Variants in JMJD1C observed in about 807,000 individuals in gnomAD.
The protein encoded by JMJD1C is jumonji domain containing 1C.
In JMJD1C, 31 loss-of-function variants were observed where a neutral mutation model predicts 245.3. The ratio of observed to expected loss-of-function variants is 0.13; its 90% confidence interval spans 0.09 to 0.17. JMJD1C has a LOEUF of 0.17. Among genes scored for constraint, JMJD1C ranks in the 10% least tolerant of loss-of-function variants. The probability of loss-of-function intolerance (pLI) is 1.00; values close to 1 mark genes in which losing one functional copy is unlikely to be tolerated. For synonymous variants in JMJD1C, 1,057 were observed against 1,017.4 expected, an observed-to-expected ratio of 1.04 and a Z score of -0.74; for missense variants, 2,691 against 3,000.2, an observed-to-expected ratio of 0.90 and a Z score of 2.41.
intron 1 of JMJD1C, among the ~76,000 whole-genome samples, chr10:63,521,067 A>G (rs900190533): frequency 3.5e-4 from 53 of 152,222 alleles, no homozygotes; most frequent in African/African-American, 1.2e-3. Context: ...GGCACTGCCA[A>G]TCCCTACCCT....
upstream of JMJD1C, among the ~76,000 whole-genome samples, chr10:63,468,135 T>G (rs1564954629): frequency 6.6e-6 from 1 of 152,134 alleles, no homozygotes; most frequent in Non-Finnish European, 1.5e-5. Flanking sequence ...ATCAAAATAT[T>G]TCATGTATAG....
intron 1 of JMJD1C, among the ~76,000 whole-genome samples, chr10:63,486,137 TAAAAAAAAAA>T (rs1166721473): frequency 1.8e-4 from 13 of 73,286 alleles, no homozygotes; most frequent in African/African-American, 9.8e-4. Context: ...CAAGCAATTG[TAAAAAAAAAA>T]AAAAAAAAAA....
Position 63,208,187 on chromosome 10 carries a change from C to A in JMJD1C, c.3482G>T (p.Gly1161Val). Residue 1161 changes from glycine (G) to valine (V), a missense_variant, in exon 10 of 26, where the codon GGC (glycine) becomes GTC (valine). By Grantham distance (109) the Gly-to-Val change is moderately radical (BLOSUM62 -3). Coordinates refer to ENST00000399262, the MANE Select transcript of JMJD1C (RefSeq NM_032776.3). The part of the protein sequence containing the change: ...KHQPESEGLV[G>V]KIPEHLPHQI... ...ATGTGGAAGATGTTCTGGTATCTTG[C>A]CTACTAAACCTTCACTTTCTGGTTG... 1.2e-6 allele frequency: 2 copies of A among 1,613,196 alleles called. No homozygotes were observed. The highest frequency in any genetic ancestry group is 3.3e-5 in the Admixed American group (2 of 59,718).
At chr10:63,518,909 C>T (rs1187494788) in intron 1 of JMJD1C, among the ~76,000 whole-genome samples, 2 of 152,198 alleles carry the variant, frequency 1.3e-5, no homozygotes, top group African/African-American at 4.8e-5. Flanking sequence ...TGTAAACAAG[C>T]TTGGGAAGCA....
At chr10:63,503,513 T>G (rs116246949) in intron 1 of JMJD1C, among the ~76,000 whole-genome samples, 9 of 152,126 alleles carry the variant, frequency 5.9e-5, no homozygotes, top group Non-Finnish European at 1.0e-4. Context: ...AACATGTGAG[T>G]TTCTGCTAAA....
rs1209339111 is a variant in JMJD1C at position 63,265,650 on chromosome 10, CA to C, written c.334-887del. Reference sequence around the variant, plus strand: ...TGTTCTAAAAACTTGAAAATGAAAACAAAATTCCACCATTTTAAAAACACAG... The same window carrying C: ...TGTTCTAAAAACTTGAAAATGAAAACAAATTCCACCATTTTAAAAACACAG... On this transcript the variant is annotated intron_variant, in intron 2 of 25. Transcript: ENST00000399262. Among the ~76,000 whole-genome samples, 5 of 152,094 alleles carry C rather than the reference CA, an allele frequency of 3.3e-5. No individual in the cohort carries two copies. In the East Asian group the frequency reaches 9.6e-4, roughly 29 times the overall value.
intron 10 of JMJD1C, chr10:63,204,374 T>C (rs1378375054): frequency 2.0e-6 from 2 of 984,922 alleles, no homozygotes; most frequent in Admixed American, 1.2e-4. Context: ...CTCTTACATG[T>C]GAATATGTAT....
intron 2 of JMJD1C, among the ~76,000 whole-genome samples, chr10:63,342,292 A>G (rs1281719441): frequency 6.6e-6 from 1 of 152,232 alleles, no homozygotes; most frequent in East Asian, 1.9e-4. Flanking sequence ...CATGGTAAAA[A>G]TGTGTGATGG....
intron 8 of JMJD1C, among the ~76,000 whole-genome samples, chr10:63,211,549 C>T (rs1466337918): frequency 4.6e-5 from 7 of 151,102 alleles, no homozygotes; most frequent in Admixed American, 1.3e-4. Flanking sequence ...AACATAATGA[C>T]TCCTCTCACA....
chr10:63,290,129 A>G (rs948651859), intron 2 of JMJD1C, among the ~76,000 whole-genome samples: 6 of 152,282 alleles, frequency 3.9e-5, no homozygotes, highest in African/African-American at 1.2e-4. Context: ...CCAAACTTTT[A>G]TAACTGAAAA....
intron 1 of JMJD1C, among the ~76,000 whole-genome samples, chr10:63,422,746 T>A (rs1166975265): frequency 6.6e-6 from 1 of 152,224 alleles, no homozygotes; most frequent in East Asian, 1.9e-4. Context: ...GTTTAAATCA[T>A]GGGCACAGAA....
Position 63,206,897 on chromosome 10 carries a change from G to A in JMJD1C, c.4772C>T (p.Ser1591Phe). ...ATCTACACTATTTTGTATATCACTA[G>A]ATGTAGAGGCTATTAAGTTGACAGA... ...PCSVNLIAST[S>F]SDIQNSVDSK... Residue 1591 changes from serine to phenylalanine, a missense_variant, in exon 10 of 26, where the codon TCT becomes TTT. Physicochemically the swap from Ser to Phe is radical, Grantham distance 155. This residue lies in a region of JMJD1C where 144 missense variants were observed against 143.3 expected (regional missense o/e 1.00). Transcript: ENST00000399262. 1 of 1,608,160 alleles carries A rather than the reference G, an allele frequency of 6.2e-7. No homozygotes were observed. The highest frequency in any genetic ancestry group is 8.5e-7 in the Non-Finnish European group (1 of 1,175,638).
intron 2 of JMJD1C, among the ~76,000 whole-genome samples, chr10:63,315,062 C>T (rs1302638460): frequency 1.3e-5 from 2 of 150,428 alleles, no homozygotes; most frequent in East Asian, 3.9e-4. Context: ...CAAGAGATTG[C>T]CCTGCCTCAG....
At chr10:63,471,118 C>T (rs1953480128) in intron 1 of JMJD1C, among the ~76,000 whole-genome samples, 1 of 152,164 alleles carries the variant, frequency 6.6e-6, no homozygotes, top group Non-Finnish European at 1.5e-5. Context: ...TTAAAATATG[C>T]AAGTCTGCAC....
chr10:63,312,094 C>CTTTTTTTTTT (rs35328965), intron 2 of JMJD1C, among the ~76,000 whole-genome samples: 4 of 64,030 alleles, frequency 6.2e-5, no homozygotes, highest in Non-Finnish European at 6.6e-5. Flanking sequence ...AGTAGCTAAA[C>CTTTTTTTTTT]TTTTTTTTTT....
chr10:63,362,883 C>T (rs77373169), intron 2 of JMJD1C, among the ~76,000 whole-genome samples: 2,475 of 152,182 alleles, frequency 0.016, 65 homozygotes, highest in African/African-American at 0.056. Flanking sequence ...CACTAAAAAG[C>T]TATTGAAAAA....
At chr10:63,305,864 C>T (rs1938141757) in intron 2 of JMJD1C, among the ~76,000 whole-genome samples, 1 of 151,984 alleles carries the variant, frequency 6.6e-6, no homozygotes, top group Non-Finnish European at 1.5e-5. Context: ...TTCTGAGTAG[C>T]TGGGACTATA....
At chr10:63,352,365 T>C (rs1036527647) in intron 2 of JMJD1C, among the ~76,000 whole-genome samples, 1 of 152,106 alleles carries the variant, frequency 6.6e-6, no homozygotes, top group Non-Finnish European at 1.5e-5. Flanking sequence ...TGGCCAGCCA[T>C]GGTAGCTCAC....
chr10:63,490,606 G>A (rs1320859041), intron 1 of JMJD1C, among the ~76,000 whole-genome samples: 1 of 151,888 alleles, frequency 6.6e-6, no homozygotes, highest in Non-Finnish European at 1.5e-5. Flanking sequence ...AATAGAGACG[G>A]GGTTTCACCA....
Sources: allele counts gnomAD v4.1 joint callset (sites outside exome capture counted in the v4.1 genomes callset), GRCh38; gene constraint gnomAD v4.1.1; regional missense constraint gnomAD v4.1.1; transcripts MANE v1.5; gene names NCBI Gene and HGNC (gene_info 2026-07-23, HGNC 2026-07-21).